EPAS1: variants seen among roughly 807,000 people sequenced by gnomAD.
The protein encoded by EPAS1 is endothelial PAS domain-containing protein 1.
A neutral mutation model predicts 87.9 loss-of-function variants in EPAS1; 23 were observed. The ratio of observed to expected loss-of-function variants is 0.26; its 90% CI spans 0.19 to 0.37. The LOEUF is 0.37. EPAS1 is among the 10% of genes least tolerant of loss of function. The probability of loss-of-function intolerance (pLI) is 1.00; values close to 1 mark genes in which losing one functional copy is unlikely to be tolerated. For synonymous variants in EPAS1, 508 were observed against 444.3 expected (o/e 1.14, Z -1.80); for missense variants, 1,138 against 1,120.7 (o/e 1.02, Z -0.22).
At chr2:46,322,380 A>G (rs954757777) in intron 1 of EPAS1, among the ~76,000 whole-genome samples, 13 of 152,200 alleles carry the variant, frequency 8.5e-5, no homozygotes, top group East Asian at 3.8e-4. Flanking sequence ...CATAACTTCT[A>G]TCCTTGTAAG....
rs140445792 is a variant in EPAS1, at chr2:46,381,689, G to C, written c.2139G>C (p.Glu713Asp). Residue 713 changes from glutamate to aspartate, a missense_variant, in exon 13 of 16, where the codon GAG (glutamate) becomes GAC (aspartate). Physicochemically the swap from Glu to Asp is conservative, Grantham distance 45. Around this residue, in one of 4 missense-constraint regions of EPAS1, gnomAD observed 502 missense variants for 427.1 expected, o/e 1.18. Coordinates refer to ENST00000263734, the MANE Select transcript of EPAS1 (RefSeq NM_001430.5). ...AGCTGAAGCTGAAGCGACAGCTGGA[G>C]TATGAAGAGCAAGCCTTCCAGGACC... Reference protein sequence around the residue: ...SNKLKLKRQLEYEEQAFQDLS... With the variant: ...SNKLKLKRQLDYEEQAFQDLS... 1.1e-4 allele frequency: 174 copies of C among 1,614,036 alleles called. No homozygotes were observed. In the African/African-American group the frequency reaches 2.0e-3, roughly 19 times the overall value.
At chr2:46,376,871 CAA>C in intron 9 of EPAS1, 118 bp downstream of exon 9, 1 of 1,062,790 alleles carries the variant, frequency 9.4e-7, no homozygotes, top group Non-Finnish European at 1.4e-6. Flanking sequence ...CCCAGCCCCC[CAA>C]GTCTTGTTAA....
intron 2 of EPAS1, among the ~76,000 whole-genome samples, chr2:46,350,061 C>T (rs1381891584): frequency 6.6e-6 from 1 of 152,154 alleles, no homozygotes; most frequent in African/African-American, 2.4e-5. Context: ...ATATTAAGCT[C>T]TCAATAAGTT....
At chr2:46,301,964 G>A (rs1683009380) in intron 1 of EPAS1, among the ~76,000 whole-genome samples, 1 of 152,112 alleles carries the variant, frequency 6.6e-6, no homozygotes, top group African/African-American at 2.4e-5. Context: ...CCAATGCAAG[G>A]ACCGCTCCTC....
intron 1 of EPAS1, among the ~76,000 whole-genome samples, chr2:46,336,965 A>G (rs1251096738): frequency 1.3e-5 from 2 of 152,322 alleles, no homozygotes; most frequent in African/African-American, 4.8e-5. Flanking sequence ...ACCAACAGAC[A>G]CACACACCTT....
chr2:46,383,582 G>C (rs1443381025), intron 15 of EPAS1, among the ~76,000 whole-genome samples: 1 of 152,194 alleles, frequency 6.6e-6, no homozygotes, highest in Non-Finnish European at 1.5e-5. Flanking sequence ...CTGCTGTTGA[G>C]TTCAGGGGCT....
chr2:46,384,639 A>AGGCCTG lies in EPAS1; in HGVS notation c.2593_2594insGCCTGG (p.Arg864_Ala865insGlyLeu), dbSNP rs1684971126. 6.2e-7 allele frequency: 1 copy of AGGCCTG among 1,613,728 alleles called. No individual in the cohort carries two copies. The highest frequency in any genetic ancestry group is 1.1e-5 in the South Asian group (1 of 91,078). ...TCCTGCAAGGAGGGGACCTCCTCAG[A>AGGCCTG]GCCCTGGACCAGGCCACCTGAGCCA... On this transcript the variant is annotated inframe_insertion, in exon 16 of 16. Coordinates refer to ENST00000263734, the MANE Select transcript of EPAS1 (RefSeq NM_001430.5).
rs1454003687 is a variant in EPAS1 at position 46,375,040 on chromosome 2, T to C, written c.887-650T>C. 6.6e-6 allele frequency among the ~76,000 whole-genome samples: 1 copy of C among 152,180 alleles called. No homozygotes were observed. Among genetic ancestry groups the C allele is most frequent in the Non-Finnish European group, 1.5e-5 (1 of 68,022 alleles). On this transcript the variant is annotated intron_variant, in intron 7 of 15. Transcript: ENST00000263734. This position sits in a 1 kb window ranked among gnomAD's most constrained non-coding sequence, Gnocchi z 4.1. ...CCAACTGAGAAAGGGTGGGGTGGTT[T>C]GCCTCTGCCTTTGCTGTGGGTCACA...
chr2:46,302,163 G>GGGC (rs1558580058), intron 1 of EPAS1, among the ~76,000 whole-genome samples: 2 of 143,698 alleles, frequency 1.4e-5, no homozygotes, highest in South Asian at 2.3e-4. Flanking sequence ...CGTGCGTCGG[G>GGGC]GGGGGGGGCA....
intron 1 of EPAS1, among the ~76,000 whole-genome samples, chr2:46,317,254 C>G (rs1572617310): frequency 6.6e-6 from 1 of 152,170 alleles, no homozygotes; most frequent in Non-Finnish European, 1.5e-5. Flanking sequence ...GAATGGTGAA[C>G]TCTTTTCAGG....
intron 7 of EPAS1, 94 bp downstream of exon 7, chr2:46,370,027 T>G (rs1684594917): frequency 1.1e-6 from 1 of 922,994 alleles, no homozygotes; most frequent in Admixed American, 2.0e-5. Flanking sequence ...CCAGGTCACT[T>G]CCTCCACAGA....
Position 46,325,483 on chromosome 2 carries a change from G to A in EPAS1, c.27-21390G>A, listed in dbSNP as rs148491768. On this transcript the variant is annotated intron_variant, in intron 1 of 15. Coordinates refer to ENST00000263734, the MANE Select transcript of EPAS1 (RefSeq NM_001430.5). ...GTGTTAGAATATCCTGTAGGCAGGC[G>A]AAGGATGACATGACTCACTTTGGTG... is the stretch of plus-strand genomic sequence containing the variant. Among the ~76,000 whole-genome samples, 720 of 152,308 alleles carry A rather than the reference G, an allele frequency of 4.7e-3. 2 individuals are homozygous for A. The highest frequency in any genetic ancestry group is 7.9e-3 in the South Asian group (38 of 4,824).
At position 46,346,759 on chromosome 2, in the gene EPAS1, G is replaced by C; in HGVS notation, c.27-114G>C. ...AGACAACTGGTGTGAGCCCAGATCAGTCTAGTAAGGGAGTGTGGCTGCACT... is the reference window on the plus strand; with the variant it reads ...AGACAACTGGTGTGAGCCCAGATCACTCTAGTAAGGGAGTGTGGCTGCACT... On this transcript the variant is annotated intron_variant, in intron 1 of 15. Coordinates refer to ENST00000263734, the MANE Select transcript of EPAS1 (RefSeq NM_001430.5). The surrounding 1 kb of genome is among the most constrained non-coding windows in gnomAD (Gnocchi z 4.0). 1 of 1,082,594 alleles carries C rather than the reference G, an allele frequency of 9.2e-7. No homozygotes were observed. The highest frequency in any genetic ancestry group is 1.4e-6 in the Non-Finnish European group (1 of 724,556). The allele number at this position is 1,082,594 out of a possible 1,614,324, so 67.1% of individuals were successfully genotyped here.
chr2:46,340,829 C>T (rs901737998), intron 1 of EPAS1, among the ~76,000 whole-genome samples: 4 of 152,110 alleles, frequency 2.6e-5, no homozygotes, highest in African/African-American at 9.7e-5. Context: ...GTCAAGGGAT[C>T]CTCCTGCCTC....
intron 1 of EPAS1, among the ~76,000 whole-genome samples, chr2:46,334,790 A>G (rs965762830): frequency 2.0e-5 from 3 of 152,254 alleles, no homozygotes; most frequent in South Asian, 2.1e-4. Flanking sequence ...AGAGCATGAT[A>G]ATAAATTTGG....
chr2:46,380,602 C>T lies in EPAS1; in HGVS notation c.1930C>T (p.Pro644Ser), dbSNP rs1684865798. 6.2e-7 allele frequency: 1 copy of T among 1,614,134 alleles called. No homozygotes were observed. The change falls in exon 12 of 16, where the codon CCA becomes TCA. Residue 644 changes from proline to serine, a missense_variant. By Grantham distance (74) the Pro-to-Ser change is moderately conservative. Transcript: ENST00000263734. This position sits in a 1 kb window ranked among gnomAD's most constrained non-coding sequence, Gnocchi z 4.4. The stretch of plus-strand genomic sequence containing the variant: ...CAATACCCAGTGGCCCCCAGATCCA[C>T]CATTACATTTTGGGCCCACAAAGTG... ...RSNTQWPPDP[P>S]LHFGPTKWAV...
chr2:46,362,583 C>T (rs1438044877), intron 6 of EPAS1, among the ~76,000 whole-genome samples: 1 of 152,176 alleles, frequency 6.6e-6, no homozygotes, highest in Non-Finnish European at 1.5e-5. Context: ...TGCTCAGCCT[C>T]CCCTAGGCCT....
chr2:46,328,386 A>T (rs1683607030), intron 1 of EPAS1, among the ~76,000 whole-genome samples: 2 of 152,202 alleles, frequency 1.3e-5, no homozygotes, highest in African/African-American at 4.8e-5. Context: ...TGGCAGGCCC[A>T]TTTAGATCTG....
At chr2:46,335,502 GCT>G (rs1683771602) in intron 1 of EPAS1, among the ~76,000 whole-genome samples, 1 of 150,466 alleles carries the variant, frequency 6.6e-6, no homozygotes. Flanking sequence ...AGGCAGTCCA[GCT>G]CTGTTTTCTC....
Sources: gnomAD v4.1 joint callset for allele counts (sites outside exome capture counted in the v4.1 genomes callset) on GRCh38, gnomAD v4.1.1 for gene constraint, gnomAD v4.1.1 regional missense constraint, Gnocchi (gnomAD v3.1) non-coding constraint, MANE v1.5 for transcripts, NCBI Gene and HGNC (gene_info 2026-07-23, HGNC 2026-07-21) for gene names.